The following FBN2 variants were observed in gnomAD, a reference collection of about 807,000 sequenced individuals.
FBN2 encodes the protein fibrillin-2.
A neutral mutation model predicts 355.6 loss-of-function variants in FBN2; 105 were observed. The ratio of observed to expected loss-of-function variants is 0.30; its 90% CI spans 0.25 to 0.35. FBN2 has a LOEUF of 0.35. FBN2 is among the 10% of genes least tolerant of loss of function. The pLI is 1.00. For missense variants in FBN2, 3,280 were observed against 3,758.7 expected (o/e 0.87, Z 3.33); for synonymous variants, 1,350 against 1,301.2 (o/e 1.04, Z -0.81).
intron 7 of FBN2, among the ~76,000 whole-genome samples, chr5:128,438,009 C>T (rs17164127): frequency 0.21 from 31,874 of 152,158 alleles, 4,376 homozygotes; most frequent in African/African-American, 0.39. Context: ...AACAACATCT[C>T]TTTTCTTCAT....
At chr5:128,494,453 C>G (rs1439315460) in intron 5 of FBN2, among the ~76,000 whole-genome samples, 1 of 152,042 alleles carries the variant, frequency 6.6e-6, no homozygotes, top group African/African-American at 2.4e-5. Context: ...GTCAGAGGCT[C>G]AAAGGCTGGC....
intron 20 of FBN2, 121 bp downstream of exon 20, chr5:128,357,155 A>G (rs1254582725): frequency 2.4e-6 from 3 of 1,257,682 alleles, no homozygotes; most frequent in Non-Finnish European, 3.5e-6. Context: ...AAAAACAACT[A>G]ACATAATGTG....
rs1057523293 is a variant in FBN2, at chr5:128,263,478, C to A, written c.8139G>T (p.Thr2713=). 1 of 1,614,076 alleles carries A rather than the reference C, an allele frequency of 6.2e-7. No homozygotes were observed. Among genetic ancestry groups the A allele is most frequent in the East Asian group, 2.2e-5 (1 of 44,856 alleles). The part of the protein sequence containing the change: ...KNPCNYGCSN[T]EGGYLCGCPP... ...GGCAGCCACAGAGGTAGCCCCCCTC[C>A]GTGTTAGAGCAGCCGTAATTGCAGG... is the stretch of plus-strand genomic sequence containing the variant. The change falls in exon 63 of 65, where the codon ACG becomes ACT. Residue 2713 remains threonine (T), a synonymous_variant. Transcript: ENST00000262464.
At chr5:128,363,204 T>C (rs1751682644) in intron 18 of FBN2, among the ~76,000 whole-genome samples, 1 of 152,092 alleles carries the variant, frequency 6.6e-6, no homozygotes, top group South Asian at 2.1e-4. Flanking sequence ...TCTTTTCTTT[T>C]TTCTGAGATG....
Position 128,274,561 on chromosome 5 carries a change from T to C in FBN2, c.7711+6A>G. On this transcript the variant is annotated splice_donor_region_variant and intron_variant, in intron 60 of 64. Transcript: ENST00000262464. The stretch of plus-strand genomic sequence containing the variant: ...GTAAAATTTCCCATTTGTAACTTTG[T>C]CTTACCGATACAAGCAGTGTGATGC... 1 of 1,530,726 alleles carries C rather than the reference T, an allele frequency of 6.5e-7. No individual in the cohort carries two copies. Among genetic ancestry groups the C allele is most frequent in the South Asian group, 1.1e-5 (1 of 89,374 alleles). The allele number at this position is 1,530,726 out of a possible 1,614,324, so 94.8% of individuals were successfully genotyped here.
chr5:128,346,261 T>C (rs1360590215), intron 23 of FBN2, among the ~76,000 whole-genome samples: 3 of 152,162 alleles, frequency 2.0e-5, no homozygotes, highest in African/African-American at 4.8e-5. Context: ...CATCTAAAAA[T>C]AGAGTAGACC....
intron 20 of FBN2, 40 bp downstream of exon 20, chr5:128,357,236 G>T: frequency 6.2e-7 from 1 of 1,612,074 alleles, no homozygotes; most frequent in Non-Finnish European, 8.5e-7. Flanking sequence ...GCTTATCTTG[G>T]CAGTGAAATT....
intron 5 of FBN2, among the ~76,000 whole-genome samples, chr5:128,518,292 C>A (rs903765452): frequency 2.0e-5 from 3 of 152,120 alleles, no homozygotes; most frequent in African/African-American, 7.2e-5. Flanking sequence ...GATTTTTCAG[C>A]AGTCTATATA....
intron 60 of FBN2, 21 bp downstream of exon 60, chr5:128,274,546 C>T: frequency 7.3e-7 from 1 of 1,362,670 alleles, no homozygotes; most frequent in Non-Finnish European, 1.1e-6. Context: ...GTAAAATTTC[C>T]CATTTGTAAC....
Position 128,427,189 on chromosome 5 carries a change from T to TAGG in FBN2, c.953-18391_953-18390insCCT, listed in dbSNP as rs1753505338. ...GGGCCTGAGCTTCTGCCCACCCCCC[T>TAGG]GCCACTGCCCCACCAAGCATGGAAA... On this transcript the variant is annotated intron_variant, in intron 7 of 64. Transcript: ENST00000262464. Among the ~76,000 whole-genome samples the TAGG allele has an allele frequency of 2.0e-5, 3 of 152,186 alleles. No individual in the cohort carries two copies. The South Asian group carries it at 6.2e-4, about 32-fold the overall frequency.
intron 34 of FBN2, 142 bp from the exon 35 acceptor site, chr5:128,319,143 A>G (rs948758500): frequency 1.5e-6 from 1 of 660,326 alleles, no homozygotes; most frequent in African/African-American, 1.8e-5. Flanking sequence ...TTGGCTAGGT[A>G]GATAAGTGTA....
At chr5:128,339,565 G>A (rs1750941012) in intron 25 of FBN2, among the ~76,000 whole-genome samples, 1 of 152,188 alleles carries the variant, frequency 6.6e-6, no homozygotes, top group Non-Finnish European at 1.5e-5. Flanking sequence ...CTGGGTGACA[G>A]AGGGACAACC....
intron 5 of FBN2, among the ~76,000 whole-genome samples, chr5:128,486,694 A>G (rs1001126096): frequency 2.0e-5 from 3 of 151,992 alleles, no homozygotes; most frequent in African/African-American, 4.8e-5. Flanking sequence ...ACATATGTAT[A>G]CATGTGCCAT....
intron 48 of FBN2, among the ~76,000 whole-genome samples, chr5:128,298,395 T>C (rs1166468998): frequency 6.6e-6 from 1 of 152,172 alleles, no homozygotes; most frequent in Admixed American, 6.5e-5. Flanking sequence ...CCTTGCTAGA[T>C]TGGGGAAGTT....
At chr5:128,466,702 C>G (rs1754722473) in intron 5 of FBN2, among the ~76,000 whole-genome samples, 1 of 152,172 alleles carries the variant, frequency 6.6e-6, no homozygotes, top group African/African-American at 2.4e-5. Context: ...TACTCTGCAG[C>G]TGAACTTCAA....
Position 128,265,841 on chromosome 5 carries a change from TAGC to T in FBN2, c.7961-2188_7961-2186del, listed in dbSNP as rs1245727243. On this transcript the variant is annotated intron_variant, in intron 62 of 64. Transcript: ENST00000262464. Reference sequence around the variant, plus strand: ...AGAACTTTCATTCTTCTTCAATTGGTAGCAGGTTTAGTAACATCGTAGGTTTAC... The same window carrying T: ...AGAACTTTCATTCTTCTTCAATTGGTAGGTTTAGTAACATCGTAGGTTTAC... Among the ~76,000 whole-genome samples, 10 of 152,348 alleles carry T rather than the reference TAGC, an allele frequency of 6.6e-5. No homozygotes were observed. The East Asian group carries it at 1.9e-3, about 29-fold the overall frequency.
chr5:128,417,141 T>C lies in FBN2; in HGVS notation c.953-8342A>G, dbSNP rs183199698. Among the ~76,000 whole-genome samples, 191 of 152,308 alleles carry C rather than the reference T, an allele frequency of 1.3e-3. 1 individual carries two copies. The highest frequency in any genetic ancestry group is 4.1e-3 in the African/African-American group (171 of 41,562). ...TGGTAAATAGAATTGCCTTTTGAGT[T>C]CTTTTTTTAGCTACTTCATTATTGG... On this transcript the variant is annotated intron_variant, in intron 7 of 64. Coordinates refer to ENST00000262464, the MANE Select transcript of FBN2 (RefSeq NM_001999.4).
chr5:128,337,638 G>T (rs1750880677), intron 27 of FBN2, among the ~76,000 whole-genome samples: 1 of 152,244 alleles, frequency 6.6e-6, no homozygotes, highest in South Asian at 2.1e-4. Flanking sequence ...GCGTAGAGCG[G>T]AGTCTGCCGA....
intron 11 of FBN2, among the ~76,000 whole-genome samples, chr5:128,385,467 C>CATTT (rs1221944736): frequency 2.6e-5 from 4 of 152,114 alleles, no homozygotes; most frequent in African/African-American, 9.7e-5. Context: ...CACTGATGGG[C>CATTT]ATTTAGGCTG....
Sources: gnomAD v4.1 joint callset for allele counts (sites outside exome capture counted in the v4.1 genomes callset) on GRCh38, gnomAD v4.1.1 for gene constraint, MANE v1.5 for transcripts, NCBI Gene and HGNC (gene_info 2026-07-23, HGNC 2026-07-21) for gene names.